The following PPP2R5C variants were observed in gnomAD, a reference collection of about 807,000 sequenced individuals.
The protein encoded by PPP2R5C is protein phosphatase 2 regulatory subunit B'gamma.
PPP2R5C carries 7 observed loss-of-function variants against 68.9 expected under a neutral mutation model. That is an observed-to-expected ratio of 0.10 (90% CI 0.06 to 0.19). The LOEUF (loss-of-function observed/expected upper bound fraction) is 0.19, where lower values mean the gene tolerates loss of function less well. Among genes scored for constraint, PPP2R5C ranks in the 10% least tolerant of loss-of-function variants. The pLI is 1.00. For missense variants in PPP2R5C, 348 were observed against 641.3 expected, an observed-to-expected ratio of 0.54 and a Z score of 4.94; for synonymous variants, 210 against 222.2, an observed-to-expected ratio of 0.95 and a Z score of 0.49.
Position 101,906,720 on chromosome 14 carries a change from C to G in PPP2R5C, c.1151+191C>G, listed in dbSNP as rs1476045940. On this transcript the variant is annotated intron_variant, in intron 10 of 13. Coordinates refer to ENST00000334743, the Ensembl canonical transcript of PPP2R5C. This position sits in a 1 kb window ranked among gnomAD's most constrained non-coding sequence, Gnocchi z 4.0. ...TGGCCGTTGAATTTACCACCTTATACCTTCATTCCTGCCAGTATAGAGGCA... is the reference window on the plus strand; with the variant it reads ...TGGCCGTTGAATTTACCACCTTATAGCTTCATTCCTGCCAGTATAGAGGCA... 2.9e-6 allele frequency: 2 copies of G among 681,768 alleles called. No individual in the cohort carries two copies. The highest frequency in any genetic ancestry group is 1.8e-5 in the African/African-American group (1 of 54,886). 42.2% of individuals were successfully genotyped at this position (681,768 alleles called of 1,614,324 possible).
intron 1 of PPP2R5C, among the ~76,000 whole-genome samples, chr14:101,834,317 G>A (rs796863714): frequency 2.6e-5 from 4 of 152,338 alleles, no homozygotes; most frequent in African/African-American, 9.6e-5. Flanking sequence ...AGGTGCTGAG[G>A]TTGCAGCAGT....
At chr14:101,784,105 C>T in intron 2 of PPP2R5C, among the ~76,000 whole-genome samples, 1 of 152,232 alleles carries the variant, frequency 6.6e-6, no homozygotes, top group South Asian at 2.1e-4. Context: ...ACCGAGACCC[C>T]TGCCTCCCAG....
In PPP2R5C at chr14:101,919,969, CAAAAAAAAAA is replaced by C. The variant is rs34641396; in HGVS notation, c.1443+2036_1443+2045del. 5.7e-3 allele frequency among the ~76,000 whole-genome samples: 301 copies of C among 52,890 alleles called. 2 individuals carry two copies. The highest frequency in any genetic ancestry group is 0.023 in the African/African-American group (259 of 11,182). 34.7% of individuals were successfully genotyped at this position (52,890 alleles called of 152,430 possible). On this transcript the variant is annotated intron_variant, in intron 13 of 13. Transcript: ENST00000334743. ...GGGCAAGAAAAGCAAAACTCCGTCT[CAAAAAAAAAA>C]AAAAAAAAAAAAACCAATTCTTACA...
chr14:101,805,594 A>G (rs1333536368), upstream of PPP2R5C, among the ~76,000 whole-genome samples: 1 of 152,226 alleles, frequency 6.6e-6, no homozygotes, highest in Non-Finnish European at 1.5e-5. Context: ...ATGAGCAGAT[A>G]CTTGTAGCCC....
chr14:101,846,573 AC>A (rs1311471463), intron 1 of PPP2R5C, among the ~76,000 whole-genome samples: 2 of 152,224 alleles, frequency 1.3e-5, no homozygotes, highest in Non-Finnish European at 2.9e-5. Flanking sequence ...GTTAGTCTTG[AC>A]ATTTTGTAGA....
chr14:101,850,846 G>T (rs1179774837), intron 1 of PPP2R5C, among the ~76,000 whole-genome samples: 2 of 152,146 alleles, frequency 1.3e-5, no homozygotes, highest in Non-Finnish European at 2.9e-5. Context: ...ACTTGGTGGG[G>T]GAAACTCATC....
intron 1 of PPP2R5C, among the ~76,000 whole-genome samples, chr14:101,828,371 G>T (rs1289433728): frequency 6.6e-6 from 1 of 152,160 alleles, no homozygotes; most frequent in African/African-American, 2.4e-5. Context: ...AAGTGTACTT[G>T]AAGTGGTTCA....
chr14:101,837,011 G>A (rs1309109829), intron 1 of PPP2R5C, among the ~76,000 whole-genome samples: 1 of 152,216 alleles, frequency 6.6e-6, no homozygotes, highest in South Asian at 2.1e-4. Context: ...TGGGAGAGGC[G>A]CCTGGACTTC....
At chr14:101,894,648 C>A in intron 8 of PPP2R5C, 88 bp downstream of exon 10, 1 of 1,292,554 alleles carries the variant, frequency 7.7e-7, no homozygotes, top group South Asian at 1.2e-5. Flanking sequence ...AATTGCCATT[C>A]ATTCAGACTT....
intron 2 of PPP2R5C, among the ~76,000 whole-genome samples, chr14:101,860,400 A>G (rs2042675804): frequency 6.6e-6 from 1 of 152,132 alleles, no homozygotes; most frequent in African/African-American, 2.4e-5. Flanking sequence ...ATAATATTCC[A>G]TCATACAGAT....
At chr14:101,895,751 A>G (rs2045278622) in intron 8 of PPP2R5C, among the ~76,000 whole-genome samples, 1 of 152,114 alleles carries the variant, frequency 6.6e-6, no homozygotes, top group Admixed American at 6.5e-5. Context: ...CCTTTTAGCT[A>G]TTGTGAATAA....
chr14:101,908,699 G>C (rs1054343242), intron 10 of PPP2R5C, among the ~76,000 whole-genome samples: 3 of 150,984 alleles, frequency 2.0e-5, no homozygotes, highest in Non-Finnish European at 2.9e-5. Flanking sequence ...TTTTTTAATC[G>C]CAACAATGAC....
At chr14:101,764,237 G>C (rs2036734847) in intron 2 of PPP2R5C, among the ~76,000 whole-genome samples, 2 of 152,196 alleles carry the variant, frequency 1.3e-5, no homozygotes, top group African/African-American at 4.8e-5. Context: ...TGTTGAACTA[G>C]AGCACCTAGG....
chr14:101,906,441 A>G lies in PPP2R5C; in HGVS notation c.1063A>G (p.Ile355Val). 6.2e-7 allele frequency: 1 copy of G among 1,611,782 alleles called. No individual in the cohort carries two copies. Among genetic ancestry groups the G allele is most frequent in the Non-Finnish European group, 8.5e-7 (1 of 1,179,544 alleles). The change falls in exon 10 of 14, where the codon ATC becomes GTC. Residue 355 changes from isoleucine (I) to valine (V), a missense_variant. Physicochemically the swap from Ile to Val is conservative, Grantham distance 29. Coordinates refer to ENST00000334743, the Ensembl canonical transcript of PPP2R5C. The surrounding 1 kb of genome is among the most constrained non-coding windows in gnomAD (Gnocchi z 4.0). The stretch of plus-strand genomic sequence containing the variant: ...TCTCTATTACTGGAATAATGAATAC[A>G]TCATGAGTTTAATCAGTGACAACGC...
chr14:101,771,346 C>T (rs1236593328), intron 2 of PPP2R5C, among the ~76,000 whole-genome samples: 1 of 151,542 alleles, frequency 6.6e-6, no homozygotes, highest in Non-Finnish European at 1.5e-5. Context: ...CCTCCGCCTC[C>T]TGGGTTCAAG....
At chr14:101,910,419 G>GTA (rs1284947076) in intron 11 of PPP2R5C, among the ~76,000 whole-genome samples, 4 of 142,576 alleles carry the variant, frequency 2.8e-5, no homozygotes, top group South Asian at 2.2e-4. Context: ...GTGTGTGTGT[G>GTA]TATATATATG....
intron 11 of PPP2R5C, 83 bp from the exon 14 acceptor site, chr14:101,912,318 C>T (rs771272821): frequency 1.5e-5 from 18 of 1,240,284 alleles, no homozygotes; most frequent in African/African-American, 3.1e-5. Context: ...TGGCTGGGCT[C>T]AACATGCCTG....
chr14:101,869,354 G>C (rs1487580492), intron 2 of PPP2R5C, among the ~76,000 whole-genome samples: 1 of 152,180 alleles, frequency 6.6e-6, no homozygotes, highest in African/African-American at 2.4e-5. Context: ...TATTTGAGGT[G>C]TTTCCAGTTT....
At chr14:101,923,393 A>G (rs1414804363) in intron 13 of PPP2R5C, among the ~76,000 whole-genome samples, 1 of 152,174 alleles carries the variant, frequency 6.6e-6, no homozygotes, top group Admixed American at 6.5e-5. Flanking sequence ...CTGTAATTAC[A>G]TATTTCAAGT....
Sources: allele counts gnomAD v4.1 joint callset (sites outside exome capture counted in the v4.1 genomes callset), GRCh38; gene constraint gnomAD v4.1.1; non-coding constraint Gnocchi (gnomAD v3.1); transcripts MANE v1.5; gene names NCBI Gene and HGNC (gene_info 2026-07-23, HGNC 2026-07-21).